The following RAD51B variants were observed in gnomAD, a reference collection of about 807,000 sequenced individuals.
The protein encoded by RAD51B is RAD51 paralog B.
RAD51B carries 38 observed loss-of-function variants against 42.2 expected under a neutral mutation model. That is an observed-to-expected ratio of 0.90 (90% confidence interval 0.70 to 1.18). The LOEUF (loss-of-function observed/expected upper bound fraction) is 1.18. RAD51B is among the 50% of genes most tolerant of loss of function. The probability of loss-of-function intolerance (pLI) is 0.00; values close to 1 mark genes in which losing one functional copy is unlikely to be tolerated. For missense variants in RAD51B, 373 were observed against 400.7 expected, an observed-to-expected ratio of 0.93 and a Z score of 0.59; for synonymous variants, 154 against 145.2, an observed-to-expected ratio of 1.06 and a Z score of -0.43.
chr14:67,985,647 G>A (rs2075172136), intron 7 of RAD51B, among the ~76,000 whole-genome samples: 1 of 151,984 alleles, frequency 6.6e-6, no homozygotes, highest in Non-Finnish European at 1.5e-5. Context: ...AGTGGCTCAT[G>A]CTTGTAGTCC....
chr14:67,957,274 G>T (rs984060758), intron 7 of RAD51B, among the ~76,000 whole-genome samples: 1 of 152,246 alleles, frequency 6.6e-6, no homozygotes, highest in Non-Finnish European at 1.5e-5. Context: ...GCTTGGATGT[G>T]AAAGAACATG....
At chr14:67,835,473 T>C (rs971791183) in intron 4 of RAD51B, among the ~76,000 whole-genome samples, 1 of 152,042 alleles carries the variant, frequency 6.6e-6, no homozygotes, top group African/African-American at 2.4e-5. Flanking sequence ...TGTGTTTATA[T>C]ATGTGTTATA....
chr14:68,005,379 G>A (rs2075571018), intron 7 of RAD51B, among the ~76,000 whole-genome samples: 1 of 152,098 alleles, frequency 6.6e-6, no homozygotes, highest in Non-Finnish European at 1.5e-5. Context: ...AGTTTTGCAT[G>A]CCTTCTAGTT....
intron 7 of RAD51B, among the ~76,000 whole-genome samples, chr14:68,103,939 G>A (rs1315145614): frequency 6.6e-6 from 1 of 152,146 alleles, no homozygotes; most frequent in Admixed American, 6.5e-5. Context: ...GCATTTTTCA[G>A]TATTAGGGTT....
At chr14:68,326,073 G>A (rs1487508567) in intron 8 of RAD51B, among the ~76,000 whole-genome samples, 1 of 95,398 alleles carries the variant, frequency 1.0e-5, no homozygotes, top group Non-Finnish European at 2.0e-5. Context: ...GGAGTTTCAC[G>A]CTTGTTTCCC....
intron 7 of RAD51B, among the ~76,000 whole-genome samples, chr14:68,170,569 A>G (rs2078851927): frequency 6.6e-6 from 1 of 152,124 alleles, no homozygotes; most frequent in Non-Finnish European, 1.5e-5. Flanking sequence ...TACTGTTAAC[A>G]TTTTGTCATA....
At chr14:68,628,527 C>A (rs1024560773) in intron 10 of RAD51B, 6 of 152,272 alleles carry the variant, frequency 3.9e-5, no homozygotes, top group Non-Finnish European at 2.9e-5. Context: ...ATATTCCCCC[C>A]ATCCCTGCTC....
chr14:68,284,197 T>C (rs2081373599), intron 7 of RAD51B, among the ~76,000 whole-genome samples: 1 of 152,228 alleles, frequency 6.6e-6, no homozygotes, highest in Non-Finnish European at 1.5e-5. Context: ...CTTATTAAGA[T>C]TGGAAGCATT....
chr14:68,383,544 A>C (rs1026240792), intron 8 of RAD51B, among the ~76,000 whole-genome samples: 3 of 152,290 alleles, frequency 2.0e-5, no homozygotes, highest in African/African-American at 7.2e-5. Context: ...CCTTCAGGAT[A>C]TCCTCTTCTT....
chr14:68,331,636 T>C (rs1223833852), intron 8 of RAD51B, among the ~76,000 whole-genome samples: 2 of 152,086 alleles, frequency 1.3e-5, no homozygotes, highest in African/African-American at 4.8e-5. Flanking sequence ...GCCACATCGC[T>C]GAGACAGATT....
chr14:68,520,285 C>T (rs1886483568), intron 10 of RAD51B, among the ~76,000 whole-genome samples: 1 of 152,160 alleles, frequency 6.6e-6, no homozygotes, highest in South Asian at 2.1e-4. Context: ...TACCCTGGTG[C>T]AAATTCCAAA....
At chr14:68,378,249 G>A (rs2083410986) in intron 8 of RAD51B, among the ~76,000 whole-genome samples, 1 of 152,134 alleles carries the variant, frequency 6.6e-6, no homozygotes, top group Non-Finnish European at 1.5e-5. Flanking sequence ...GGCTCCTTTT[G>A]TTTTCATAAC....
In RAD51B at chr14:68,256,148, A is replaced by G. The variant is rs59119580; in HGVS notation, c.757-35736A>G. Reference sequence around the variant, plus strand: ...GTCAGGTGACACAGTGAGCTTGACAAAGGGATACAGATTTACCCTATTTGG... The same window carrying G: ...GTCAGGTGACACAGTGAGCTTGACAGAGGGATACAGATTTACCCTATTTGG... On this transcript the variant is annotated intron_variant, in intron 7 of 10. Transcript: ENST00000471583. Among the ~76,000 whole-genome samples, 157 of 152,312 alleles carry G rather than the reference A, an allele frequency of 1.0e-3. 1 individual carries two copies. The East Asian group carries it at 0.028, about 27-fold the overall frequency.
chr14:67,826,028 C>T (rs1293325988), intron 3 of RAD51B, among the ~76,000 whole-genome samples: 2 of 152,110 alleles, frequency 1.3e-5, no homozygotes, highest in Admixed American at 1.3e-4. Flanking sequence ...CCGTGCCTAG[C>T]CTATGTGTGA....
At chr14:68,138,341 T>C (rs900199160) in intron 7 of RAD51B, among the ~76,000 whole-genome samples, 7 of 152,206 alleles carry the variant, frequency 4.6e-5, no homozygotes, top group Admixed American at 6.5e-5. Flanking sequence ...TTTTGTTACA[T>C]TGCTTTTGTG....
At chr14:68,533,016 A>G (rs1481153605) in intron 10 of RAD51B, among the ~76,000 whole-genome samples, 1 of 152,186 alleles carries the variant, frequency 6.6e-6, no homozygotes, top group African/African-American at 2.4e-5. Context: ...GATACCTACT[A>G]TCACCCTTAT....
chr14:67,996,185 C>T (rs1057098352), intron 7 of RAD51B, among the ~76,000 whole-genome samples: 9 of 151,580 alleles, frequency 5.9e-5, no homozygotes, highest in African/African-American at 2.2e-4. Flanking sequence ...CGCTTGAGCC[C>T]AGGAGCTCAA....
At chr14:68,101,169 C>A (rs1030078561) in intron 7 of RAD51B, among the ~76,000 whole-genome samples, 4 of 152,160 alleles carry the variant, frequency 2.6e-5, no homozygotes, top group African/African-American at 9.7e-5. Context: ...CCCACCAGGT[C>A]CCTCTCATGA....
intron 7 of RAD51B, among the ~76,000 whole-genome samples, chr14:68,191,337 A>G (rs2079263462): frequency 6.6e-6 from 1 of 152,172 alleles, no homozygotes; most frequent in Non-Finnish European, 1.5e-5. Flanking sequence ...TGTATAACAG[A>G]GTTTGAAACC....
Sources: gnomAD v4.1 joint callset for allele counts (sites outside exome capture counted in the v4.1 genomes callset) on GRCh38, gnomAD v4.1.1 for gene constraint, MANE v1.5 for transcripts, NCBI Gene and HGNC (gene_info 2026-07-23, HGNC 2026-07-21) for gene names.